The following MDFIC2 variants were observed in gnomAD, a reference collection of about 807,000 sequenced individuals.
The protein encoded by MDFIC2 is myoD family inhibitor domain-containing protein 2.
intron 2 of MDFIC2, among the ~76,000 whole-genome samples, chr3:70,285,059 T>A (rs1257342257): frequency 6.6e-6 from 1 of 152,050 alleles, no homozygotes; most frequent in African/African-American, 2.4e-5. Flanking sequence ...TAACTTTTTT[T>A]TTCTTTTATT....
intron 2 of MDFIC2, among the ~76,000 whole-genome samples, chr3:70,213,637 G>T (rs1000148601): frequency 1.3e-5 from 2 of 152,068 alleles, no homozygotes; most frequent in African/African-American, 4.8e-5. Context: ...ACACTGTATA[G>T]AGAAAAAAAG....
chr3:70,288,106 G>T (rs1702187634), intron 2 of MDFIC2, among the ~76,000 whole-genome samples: 1 of 147,270 alleles, frequency 6.8e-6, no homozygotes, highest in Admixed American at 6.8e-5. Flanking sequence ...GCTAGCTTTT[G>T]AATGTGTTTG....
intron 2 of MDFIC2, among the ~76,000 whole-genome samples, chr3:70,253,418 G>A (rs369855445): frequency 8.5e-5 from 13 of 152,338 alleles, no homozygotes; most frequent in African/African-American, 3.1e-4. Context: ...GAATACCAGA[G>A]CCTTGGCTGC....
chr3:70,295,834 T>A (rs1702284835), intron 2 of MDFIC2, among the ~76,000 whole-genome samples: 1 of 152,340 alleles, frequency 6.6e-6, no homozygotes, highest in African/African-American at 2.4e-5. Context: ...TAATACCTTA[T>A]TTTTTATGAA....
At chr3:70,214,822 C>T (rs1193555345) in intron 2 of MDFIC2, among the ~76,000 whole-genome samples, 1 of 151,922 alleles carries the variant, frequency 6.6e-6, no homozygotes, top group Non-Finnish European at 1.5e-5. Flanking sequence ...CATTTTTATG[C>T]AGTTACCTTC....
intron 2 of MDFIC2, among the ~76,000 whole-genome samples, chr3:70,256,179 T>C (rs1701814386): frequency 6.6e-6 from 1 of 152,218 alleles, no homozygotes; most frequent in Non-Finnish European, 1.5e-5. Context: ...TGGATCCTTT[T>C]TATTCAGAGG....
chr3:70,227,822 G>A (rs1701522830), intron 2 of MDFIC2, among the ~76,000 whole-genome samples: 1 of 152,088 alleles, frequency 6.6e-6, no homozygotes, highest in Non-Finnish European at 1.5e-5. Context: ...TACAAACTGT[G>A]AATTATAAAT....
intron 2 of MDFIC2, among the ~76,000 whole-genome samples, chr3:70,228,077 G>C (rs1182087057): frequency 1.3e-5 from 2 of 151,698 alleles, no homozygotes; most frequent in African/African-American, 4.8e-5. Context: ...AGATTGAATA[G>C]GTCACTACTA....
intron 2 of MDFIC2, among the ~76,000 whole-genome samples, chr3:70,299,916 C>T (rs1415329246): frequency 6.6e-6 from 1 of 152,034 alleles, no homozygotes; most frequent in Non-Finnish European, 1.5e-5. Context: ...ATTTATTTCA[C>T]ACTCCCACAC....
At chr3:70,295,749 G>T (rs1377079256) in intron 2 of MDFIC2, among the ~76,000 whole-genome samples, 1 of 152,108 alleles carries the variant, frequency 6.6e-6, no homozygotes, top group Non-Finnish European at 1.5e-5. Flanking sequence ...TTAAAGTGCT[G>T]TATCTTTTGA....
chr3:70,215,310 G>A (rs1454027134), intron 2 of MDFIC2, among the ~76,000 whole-genome samples: 1 of 152,020 alleles, frequency 6.6e-6, no homozygotes. Flanking sequence ...AATTCCTATG[G>A]CAGTCAGACT....
intron 2 of MDFIC2, among the ~76,000 whole-genome samples, chr3:70,278,962 T>C (rs540905919): frequency 1.6e-4 from 24 of 151,642 alleles, no homozygotes; most frequent in Admixed American, 6.6e-4. Context: ...GTGGTCTGGG[T>C]GGTCAAGGAA....
chr3:70,270,732 G>T (rs1284293532), intron 2 of MDFIC2, among the ~76,000 whole-genome samples: 3 of 152,162 alleles, frequency 2.0e-5, no homozygotes, highest in Non-Finnish European at 4.4e-5. Context: ...CATGTCCTTT[G>T]CCAGGACACG....
intron 2 of MDFIC2, among the ~76,000 whole-genome samples, chr3:70,244,560 AAAG>A (rs962969063): frequency 1.3e-5 from 2 of 152,222 alleles, no homozygotes; most frequent in Non-Finnish European, 2.9e-5. Context: ...TGGGATGTAA[AAAG>A]AAGAAGAGAC....
At chr3:70,309,543 G>A (rs1352141557) in intron 2 of MDFIC2, among the ~76,000 whole-genome samples, 1 of 152,100 alleles carries the variant, frequency 6.6e-6, no homozygotes, top group Admixed American at 6.6e-5. Flanking sequence ...AAAGTAACAT[G>A]GCACAATCAC....
intron 2 of MDFIC2, among the ~76,000 whole-genome samples, chr3:70,256,780 T>G (rs2106657401): frequency 6.6e-6 from 1 of 152,300 alleles, no homozygotes; most frequent in South Asian, 2.1e-4. Context: ...ACTTCCAAGT[T>G]AAGAGTTCTC....
intron 2 of MDFIC2, among the ~76,000 whole-genome samples, chr3:70,266,877 C>T (rs1029509089): frequency 6.6e-6 from 1 of 152,198 alleles, no homozygotes; most frequent in East Asian, 1.9e-4. Context: ...TGGAATCATT[C>T]GTCTGACACA....
intron 2 of MDFIC2, among the ~76,000 whole-genome samples, chr3:70,231,381 C>T (rs1701558827): frequency 6.6e-6 from 1 of 152,192 alleles, no homozygotes; most frequent in Admixed American, 6.5e-5. Context: ...CGCAAACTTG[C>T]GTTTTTTCTC....
chr3:70,301,860 A>G (rs1702351638), intron 2 of MDFIC2, among the ~76,000 whole-genome samples: 1 of 152,086 alleles, frequency 6.6e-6, no homozygotes. Flanking sequence ...ATAATGCTGA[A>G]TTTTCTAAAT....
Sources: gnomAD v4.1 joint callset for allele counts (sites outside exome capture counted in the v4.1 genomes callset) on GRCh38, gnomAD v4.1.1 for gene constraint, MANE v1.5 for transcripts, NCBI Gene and HGNC (gene_info 2026-07-23, HGNC 2026-07-21) for gene names.